SIRT2: variants seen among roughly 807,000 people sequenced by gnomAD.
The protein encoded by SIRT2 is NAD-dependent protein deacetylase sirtuin-2.
SIRT2 carries 40 observed loss-of-function variants against 57.4 expected under a neutral mutation model. That is an observed-to-expected ratio of 0.70 (90% confidence interval 0.54 to 0.91). The LOEUF is 0.91. Among genes scored for constraint, SIRT2 ranks in the 40% least tolerant of loss-of-function variants. The pLI, the probability that SIRT2 is intolerant of heterozygous loss-of-function variation, is 0.00. For missense variants in SIRT2, 439 were observed against 510.4 expected (o/e 0.86, Z 1.35); for synonymous variants, 161 against 195.7 (o/e 0.82, Z 1.48).
chr19:38,882,410 G>A (rs1379649442), intron 9 of SIRT2, among the ~76,000 whole-genome samples: 1 of 152,102 alleles, frequency 6.6e-6, no homozygotes, highest in African/African-American at 2.4e-5. Context: ...TGAGGCGAGT[G>A]GATCGTTTGA....
chr19:38,897,317 G>A (rs1973747463), intron 2 of SIRT2, among the ~76,000 whole-genome samples: 1 of 152,118 alleles, frequency 6.6e-6, no homozygotes, highest in Admixed American at 6.6e-5. Flanking sequence ...CCAGGTCTTT[G>A]CACAAGCGAT....
intron 1 of SIRT2, among the ~76,000 whole-genome samples, 169 bp downstream of exon 1, chr19:38,899,337 A>G (rs1257871554): frequency 6.6e-6 from 1 of 152,168 alleles, no homozygotes; most frequent in East Asian, 1.9e-4. Context: ...GCGACCCAGA[A>G]ACCCACCAGC....
intron 2 of SIRT2, among the ~76,000 whole-genome samples, chr19:38,896,032 C>G (rs2144703919): frequency 6.6e-6 from 1 of 152,178 alleles, no homozygotes; most frequent in South Asian, 2.1e-4. Context: ...GATCACCCCA[C>G]TGCACTCCAG....
At chr19:38,897,941 C>T (rs1033105528) in intron 2 of SIRT2, among the ~76,000 whole-genome samples, 2 of 152,202 alleles carry the variant, frequency 1.3e-5, no homozygotes, top group Non-Finnish European at 2.9e-5. Context: ...TGGGCTCAAG[C>T]GATCCTCGCG....
intron 4 of SIRT2, among the ~76,000 whole-genome samples, chr19:38,890,345 T>A (rs1973494915): frequency 6.6e-6 from 1 of 152,128 alleles, no homozygotes; most frequent in African/African-American, 2.4e-5. Context: ...GGGGCTCAGA[T>A]AGGGGAAGAA....
At chr19:38,890,063 A>C (rs1346256822) in intron 5 of SIRT2, 40 bp downstream of exon 5, 2 of 1,613,822 alleles carry the variant, frequency 1.2e-6, no homozygotes. Context: ...GGGACTCCCC[A>C]GTTCCTGGGG....
intron 2 of SIRT2, among the ~76,000 whole-genome samples, chr19:38,895,065 C>T (rs1181198784): frequency 2.7e-5 from 4 of 150,884 alleles, no homozygotes; most frequent in South Asian, 4.3e-4. Flanking sequence ...TTCCTGCCCC[C>T]GCCTCCCTCC....
chr19:38,884,108 TAAA>T (rs61351914), intron 8 of SIRT2, among the ~76,000 whole-genome samples: 57 of 116,074 alleles, frequency 4.9e-4, no homozygotes, highest in South Asian at 4.0e-3. Flanking sequence ...TACAAAAAAT[TAAA>T]AAAAAAAAAA....
intron 2 of SIRT2, chr19:38,894,173 T>A: frequency 2.6e-6 from 1 of 383,260 alleles, no homozygotes. Context: ...CACAGCTTGC[T>A]GCAGCCTCAA....
intron 2 of SIRT2, among the ~76,000 whole-genome samples, chr19:38,897,765 ATCC>A (rs1973768863): frequency 6.6e-6 from 1 of 152,108 alleles, no homozygotes; most frequent in Non-Finnish European, 1.5e-5. Flanking sequence ...GGCTCAAGCG[ATCC>A]TCCTACCTCA....
Position 38,893,422 on chromosome 19 carries a change from C to T in SIRT2, c.218G>A (p.Ser73Asn), listed in dbSNP as rs376265776. ...CCTGACAGGGGACTCACAGCGTTCG[C>T]TCTGCATGTACCGGGCCACCCCTTC... ...TLEGVARYMQ[S>N]ERCRRVICLV... The change falls in exon 4 of 16, where the codon AGC (serine) becomes AAC (asparagine). Residue 73 changes from serine (S) to asparagine (N), a missense_variant. By Grantham distance (46) the Ser-to-Asn change is conservative. Coordinates refer to ENST00000249396, the MANE Select transcript of SIRT2 (RefSeq NM_012237.4). 3.7e-6 allele frequency: 6 copies of T among 1,611,724 alleles called. No individual in the cohort carries two copies. The African/African-American group carries it at 5.3e-5, about 14-fold the overall frequency.
chr19:38,892,516 C>T (rs891100694), intron 4 of SIRT2, among the ~76,000 whole-genome samples: 1 of 152,182 alleles, frequency 6.6e-6, no homozygotes, highest in African/African-American at 2.4e-5. Flanking sequence ...CCACAGCTCT[C>T]GCTATGTTCC....
intron 2 of SIRT2, among the ~76,000 whole-genome samples, chr19:38,896,086 G>A (rs1365945349): frequency 6.6e-6 from 1 of 151,998 alleles, no homozygotes; most frequent in Non-Finnish European, 1.5e-5. Context: ...AAAAGAGAGA[G>A]AGAAAGAGAG....
At position 38,880,965 on chromosome 19, in the gene SIRT2, A is replaced by G; in HGVS notation, c.748-68T>C. The G allele has an allele frequency of 6.4e-7, 1 of 1,565,298 alleles. No homozygotes were observed. ...CGCCACCGCTCCCTCCCCCGCCCCC[A>G]GCAGCAAACCTCCCTGCCGCCCCCC... On this transcript the variant is annotated intron_variant, in intron 11 of 15. Transcript: ENST00000249396. The surrounding 1 kb of genome is among the most constrained non-coding windows in gnomAD (Gnocchi z 4.1).
rs1171962029 is a variant in SIRT2 at position 38,883,637 on chromosome 19, G to C, written c.621C>G (p.Ser207Arg). ...GCCCTCCAGCCTCACCTTTCATCCA[G>C]CTTAGCGGGTATTCGTGCCGGCAGC... ...SASCRHEYPL[S>R]WMKEKIFSEV... Residue 207 changes from serine (S) to arginine (R), a missense_variant, in exon 9 of 16, where the codon AGC becomes AGG. Transcript: ENST00000249396. 1 of 1,613,952 alleles carries C rather than the reference G, an allele frequency of 6.2e-7. No individual in the cohort carries two copies. Among genetic ancestry groups the C allele is most frequent in the Non-Finnish European group, 8.5e-7 (1 of 1,179,874 alleles).
rs755983991 is a variant in SIRT2 at position 38,891,900 on chromosome 19, C to T, written c.226+1514G>A. The T allele has an allele frequency of 8.1e-5, 38 of 469,488 alleles. 1 individual carries two copies. In the East Asian group the frequency reaches 8.3e-4, roughly 10 times the overall value. The allele number at this position is 469,488 out of a possible 1,614,324, so 29.1% of individuals were successfully genotyped here. On this transcript the variant is annotated intron_variant, in intron 4 of 15. Coordinates refer to ENST00000249396, the MANE Select transcript of SIRT2 (RefSeq NM_012237.4). ...TAAAAGATGGCTGCAGACAGCTGCT[C>T]GCCTGCCGCAGGAGAGGGAGGCTCA...
At chr19:38,885,716 A>G (rs1973313313) in intron 8 of SIRT2, among the ~76,000 whole-genome samples, 1 of 150,038 alleles carries the variant, frequency 6.7e-6, no homozygotes, top group Admixed American at 6.7e-5. Context: ...TCAGCCTTCC[A>G]GGTAGCTGGG....
rs117253061 is a variant in SIRT2, at chr19:38,879,504, C to A, written c.948-4G>T. 7 of 1,602,348 alleles carry A rather than the reference C, an allele frequency of 4.4e-6. No homozygotes were observed. Among genetic ancestry groups the A allele is most frequent in the Non-Finnish European group, 6.0e-6 (7 of 1,174,418 alleles). ...TTCACCCAGCCAGGCCACGTCCCTG[C>A]GGTGCAGCAGGAGATCAGAGTTCCC... On this transcript the variant is annotated splice_region_variant and splice_polypyrimidine_tract_variant and intron_variant, in intron 14 of 15. Transcript: ENST00000249396.
chr19:38,893,287 A>T (rs1973602879), intron 4 of SIRT2, 127 bp downstream of exon 4: 5 of 674,148 alleles, frequency 7.4e-6, no homozygotes, highest in Non-Finnish European at 8.0e-6. Flanking sequence ...GGCTTAAGCC[A>T]GTTCCAGCTG....
Sources: gnomAD v4.1 joint callset for allele counts (sites outside exome capture counted in the v4.1 genomes callset) on GRCh38, gnomAD v4.1.1 for gene constraint, Gnocchi (gnomAD v3.1) non-coding constraint, MANE v1.5 for transcripts, NCBI Gene and HGNC (gene_info 2026-07-23, HGNC 2026-07-21) for gene names.